Variants in PCF11 observed in about 807,000 individuals in gnomAD.
The protein encoded by PCF11 is pre-mRNA cleavage complex 2 protein Pcf11.
A neutral mutation model predicts 166.1 loss-of-function variants in PCF11; 19 were observed. The observed-to-expected ratio is 0.11, with a 90% confidence interval of 0.08 to 0.17. The LOEUF (loss-of-function observed/expected upper bound fraction) is 0.17. Among genes scored for constraint, PCF11 ranks in the 10% least tolerant of loss-of-function variants. The probability of loss-of-function intolerance (pLI) is 1.00; values close to 1 mark genes in which losing one functional copy is unlikely to be tolerated. For missense variants in PCF11, 1,565 were observed against 1,855.5 expected (o/e 0.84, Z 2.88); for synonymous variants, 663 against 644.1 (o/e 1.03, Z -0.44).
In PCF11 at chr11:83,161,260, ACT is replaced by A. The variant is rs372689486; in HGVS notation, c.193-65_193-64del. On this transcript the variant is annotated intron_variant, in intron 1 of 15. Coordinates refer to ENST00000298281, the Ensembl canonical transcript of PCF11. Reference sequence around the variant, plus strand: ...AGAGGTCTGTATTGTAGGTTTAAAAACTCATTTTTAAATAATTATTTGGTGGT... The same window carrying A: ...AGAGGTCTGTATTGTAGGTTTAAAAACATTTTTAAATAATTATTTGGTGGT... The A allele has an allele frequency of 3.1e-4, 413 of 1,338,758 alleles. No individual in the cohort carries two copies. The African/African-American group carries it at 5.4e-3, about 17-fold the overall frequency. 82.9% of individuals were successfully genotyped at this position (1,338,758 alleles called of 1,614,324 possible).
chr11:83,173,186 G>A (rs1860745890), intron 9 of PCF11, among the ~76,000 whole-genome samples: 1 of 152,180 alleles, frequency 6.6e-6, no homozygotes, highest in African/African-American at 2.4e-5. Context: ...GCCGGGCATG[G>A]TGGCTCACGC....
At chr11:83,184,852 C>T (rs543582640) in exon 16 of PCF11, 2 of 1,574,076 alleles carry the variant, frequency 1.3e-6, no homozygotes, top group South Asian at 1.2e-5. Context: ...TAGCAACACC[C>T]TCTGAAATTA....
At chr11:83,176,691 TG>T (rs1860894710) in intron 9 of PCF11, among the ~76,000 whole-genome samples, 2 of 118,788 alleles carry the variant, frequency 1.7e-5, no homozygotes, top group Non-Finnish European at 1.8e-5. Flanking sequence ...AGTCGGGGGG[TG>T]GGGGGTCTGG....
intron 14 of PCF11, among the ~76,000 whole-genome samples, chr11:83,182,742 G>A (rs1351231208): frequency 6.6e-6 from 1 of 152,140 alleles, no homozygotes; most frequent in Admixed American, 6.5e-5. Flanking sequence ...TCTGAATCTA[G>A]TTAGTCGTTT....
intron 2 of PCF11, among the ~76,000 whole-genome samples, chr11:83,163,022 C>T (rs772840559): frequency 4.6e-5 from 7 of 152,308 alleles, no homozygotes; most frequent in South Asian, 2.1e-4. Flanking sequence ...CCACCTGCCT[C>T]GGCCTCTCAA....
chr11:83,173,344 A>G (rs1185093283), intron 9 of PCF11, among the ~76,000 whole-genome samples: 2 of 152,110 alleles, frequency 1.3e-5, no homozygotes, highest in Non-Finnish European at 2.9e-5. Flanking sequence ...AGTCCCAGCT[A>G]CTCAGGAGAC....
At chr11:83,176,465 A>G (rs375147065) in intron 9 of PCF11, among the ~76,000 whole-genome samples, 1 of 152,238 alleles carries the variant, frequency 6.6e-6, no homozygotes, top group East Asian at 1.9e-4. Flanking sequence ...GACTGGATTA[A>G]GAAAGTGTGG....
At chr11:83,162,957 A>T (rs928676058) in intron 2 of PCF11, among the ~76,000 whole-genome samples, 5 of 152,096 alleles carry the variant, frequency 3.3e-5, no homozygotes, top group African/African-American at 1.2e-4. Flanking sequence ...TATTTTTAGT[A>T]AAGACGGGGT....
chr11:83,186,903 A>G (rs1479057418), exon 16 of PCF11: 1 of 152,254 alleles, frequency 6.6e-6, no homozygotes, highest in Non-Finnish European at 1.5e-5. Flanking sequence ...ACATTCTAAA[A>G]GGAAGGTGAT....
chr11:83,184,462 T>TAA (rs1861200201), intron 15 of PCF11: 5 of 490,642 alleles, frequency 1.0e-5, no homozygotes. Flanking sequence ...ACTTAGCTGT[T>TAA]AACTGCTTAA....
At chr11:83,172,445 C>T (rs111619308) in intron 9 of PCF11, among the ~76,000 whole-genome samples, 3 of 152,114 alleles carry the variant, frequency 2.0e-5, no homozygotes, top group African/African-American at 7.2e-5. Flanking sequence ...ATTTATGAGG[C>T]AGAATCTTGC....
At chr11:83,158,558 T>A (rs1483442408) in intron 1 of PCF11, 1 of 152,264 alleles carries the variant, frequency 6.6e-6, no homozygotes, top group Non-Finnish European at 1.5e-5. Context: ...TGGATTCATA[T>A]GGGAGCGATA....
At chr11:83,166,646 G>T (rs1014762820) in exon 5 of PCF11, 3 of 1,607,810 alleles carry the variant, frequency 1.9e-6, no homozygotes, top group Non-Finnish European at 2.5e-6. Flanking sequence ...AACCAAAGGA[G>T]AATGTAGAAA....
chr11:83,177,857 G>T, intron 11 of PCF11, 38 bp downstream of exon 11: 1 of 944,702 alleles, frequency 1.1e-6, no homozygotes, highest in South Asian at 1.7e-5. Flanking sequence ...AAGAGGCAGT[G>T]ACTTTAATAA....
chr11:83,183,927 G>A (rs961048646), intron 15 of PCF11, among the ~76,000 whole-genome samples: 1 of 151,728 alleles, frequency 6.6e-6, no homozygotes, highest in African/African-American at 2.4e-5. Context: ...CGAGGCGAGT[G>A]GATCACCTGA....
At chr11:83,171,232 A>G (rs1860679286) in intron 8 of PCF11, 1 of 432,782 alleles carries the variant, frequency 2.3e-6, no homozygotes, top group East Asian at 7.1e-5. Context: ...CTTTTACAAG[A>G]TTACTTTGTA....
At chr11:83,161,148 C>T (rs997773702) in intron 1 of PCF11, among the ~76,000 whole-genome samples, 179 bp from the exon 2 acceptor site, 1 of 152,084 alleles carries the variant, frequency 6.6e-6, no homozygotes, top group Non-Finnish European at 1.5e-5. Flanking sequence ...TTTTTGTGCT[C>T]AACTAAGGAT....
At chr11:83,164,057 A>C in intron 3 of PCF11, 150 bp from the exon 4 acceptor site, 1 of 611,482 alleles carries the variant, frequency 1.6e-6, no homozygotes, top group Non-Finnish European at 2.8e-6. Context: ...TTTAGGTATT[A>C]TGTAACATTT....
At chr11:83,163,858 A>G (rs1003588736) in exon 3 of PCF11, 3 of 1,493,554 alleles carry the variant, frequency 2.0e-6, no homozygotes, top group Non-Finnish European at 2.7e-6. Flanking sequence ...CTAAATTTTT[A>G]AATAAATCGG....
Sources: allele counts gnomAD v4.1 joint callset (sites outside exome capture counted in the v4.1 genomes callset), GRCh38; gene constraint gnomAD v4.1.1; transcripts MANE v1.5; gene names NCBI Gene and HGNC (gene_info 2026-07-23, HGNC 2026-07-21).